ANK3: variants seen among roughly 807,000 people sequenced by gnomAD.
ANK3 encodes the protein ankyrin-3.
ANK3 carries 57 observed loss-of-function variants against 370.9 expected under a neutral mutation model. The observed-to-expected ratio is 0.15, with a 90% CI of 0.12 to 0.19. The LOEUF (loss-of-function observed/expected upper bound fraction) is 0.19. ANK3 is among the 10% of genes least tolerant of loss of function. The pLI is 1.00. For missense variants in ANK3, 4,439 were observed against 5,302.1 expected, an observed-to-expected ratio of 0.84 and a Z score of 5.06; for synonymous variants, 1,929 against 1,946.3, an observed-to-expected ratio of 0.99 and a Z score of 0.23.
intron 2 of ANK3, among the ~76,000 whole-genome samples, chr10:60,474,566 T>A (rs1416923357): frequency 6.6e-6 from 1 of 152,222 alleles, no homozygotes; most frequent in Non-Finnish European, 1.5e-5. Flanking sequence ...CAGTTAAGAT[T>A]GGGTGATTTT....
chr10:60,518,674 G>A (rs537799045), intron 2 of ANK3, among the ~76,000 whole-genome samples: 13 of 151,972 alleles, frequency 8.6e-5, no homozygotes, highest in East Asian at 3.9e-4. Context: ...CCAATCTCAC[G>A]GCTTGTGAAA....
intron 1 of ANK3, among the ~76,000 whole-genome samples, chr10:60,730,088 G>A (rs932685246): frequency 6.6e-6 from 1 of 152,118 alleles, no homozygotes; most frequent in Non-Finnish European, 1.5e-5. Flanking sequence ...ACATTTTTTA[G>A]AGTCTAATCA....
intron 1 of ANK3, among the ~76,000 whole-genome samples, chr10:60,331,631 G>A (rs1227454725): frequency 2.7e-5 from 4 of 150,194 alleles, no homozygotes; most frequent in African/African-American, 9.8e-5. Context: ...CATTCTTCAA[G>A]CTTGCTTGAG....
At chr10:60,376,227 T>C (rs150596891) in intron 1 of ANK3, among the ~76,000 whole-genome samples, 45 of 152,284 alleles carry the variant, frequency 3.0e-4, no homozygotes, top group African/African-American at 1.0e-3. Flanking sequence ...GGTAGCACTT[T>C]AAAAAACAGG....
At chr10:60,536,494 T>G (rs967571995) in intron 2 of ANK3, among the ~76,000 whole-genome samples, 2 of 152,064 alleles carry the variant, frequency 1.3e-5, no homozygotes, top group African/African-American at 4.8e-5. Flanking sequence ...AAACATTGCC[T>G]TCATAAAAAA....
chr10:60,254,871 G>A (rs16914660), intron 7 of ANK3, among the ~76,000 whole-genome samples: 37,936 of 152,076 alleles, frequency 0.25, 5,049 homozygotes, highest in East Asian at 0.42. Context: ...TGGTGGACAG[G>A]AAGGCCAAGA....
At chr10:60,149,989 G>A (rs999500509) in intron 23 of ANK3, among the ~76,000 whole-genome samples, 6 of 152,198 alleles carry the variant, frequency 3.9e-5, no homozygotes, top group South Asian at 2.1e-4. Context: ...GATTACAGGC[G>A]TGAGCCACCA....
chr10:60,200,308 G>T, intron 12 of ANK3, 81 bp from the exon 13 acceptor site: 1 of 1,109,942 alleles, frequency 9.0e-7, no homozygotes, highest in East Asian at 2.4e-5. Flanking sequence ...GCTTATGATG[G>T]ACTTTTTTCA....
At chr10:60,231,367 T>C (rs1344152041) in intron 8 of ANK3, among the ~76,000 whole-genome samples, 1 of 152,220 alleles carries the variant, frequency 6.6e-6, no homozygotes, top group East Asian at 1.9e-4. Context: ...CTTACAGTGC[T>C]GTCCTCTGAG....
intron 10 of ANK3, among the ~76,000 whole-genome samples, chr10:60,206,899 T>A (rs1235909146): frequency 6.6e-6 from 1 of 152,208 alleles, no homozygotes; most frequent in Non-Finnish European, 1.5e-5. Flanking sequence ...CCGAGGCTTC[T>A]CAGACCATTT....
chr10:60,166,594 C>T lies in ANK3; in HGVS notation c.2611G>A (p.Glu871Lys), dbSNP rs531162695. Reference protein sequence around the residue: ...SDGEYISDVEEGEDAMTGDTD... With the variant: ...SDGEYISDVEKGEDAMTGDTD... The stretch of plus-strand genomic sequence containing the variant: ...CACAATAAAAATTTACAAATACCTT[C>T]TTCAACATCTGAGATATATTCGCCA... Residue 871 changes from glutamate to lysine, a missense_variant, in exon 23 of 44, where the codon GAA (glutamate) becomes AAA (lysine). Physicochemically the swap from Glu to Lys is moderately conservative, Grantham distance 56. Transcript: ENST00000280772. The T allele has an allele frequency of 2.5e-6, 4 of 1,613,192 alleles. No individual in the cohort carries two copies. The highest frequency in any genetic ancestry group is 1.1e-5 in the South Asian group (1 of 90,944).
intron 1 of ANK3, among the ~76,000 whole-genome samples, chr10:60,651,577 GCA>G (rs1237351725): frequency 1.3e-5 from 2 of 152,170 alleles, no homozygotes; most frequent in Non-Finnish European, 2.9e-5. Context: ...ATATAATGCA[GCA>G]CAGATTAGCA....
chr10:60,724,209 C>CAAAAAAA (rs398013720), intron 1 of ANK3, among the ~76,000 whole-genome samples: 24 of 54,558 alleles, frequency 4.4e-4, no homozygotes, highest in Non-Finnish European at 5.2e-4. Context: ...GACTCCGTCT[C>CAAAAAAA]AAAAAAAAAA....
At chr10:60,156,378 A>G (rs562369756) in intron 23 of ANK3, among the ~76,000 whole-genome samples, 38 of 152,322 alleles carry the variant, frequency 2.5e-4, no homozygotes, top group African/African-American at 7.2e-4. Context: ...TCCTGATGGG[A>G]CAAACCCCGT....
chr10:60,364,650 C>T (rs768862809), intron 1 of ANK3, among the ~76,000 whole-genome samples: 1 of 151,962 alleles, frequency 6.6e-6, no homozygotes, highest in Non-Finnish European at 1.5e-5. Flanking sequence ...AAGTAACAAA[C>T]CTGCACATTC....
intron 28 of ANK3, among the ~76,000 whole-genome samples, chr10:60,091,796 T>C (rs981053223): frequency 3.3e-5 from 5 of 150,252 alleles, no homozygotes; most frequent in African/African-American, 1.2e-4. Flanking sequence ...AGTGGCACAA[T>C]CTCCACTCAC....
intron 5 of ANK3, among the ~76,000 whole-genome samples, chr10:60,266,308 C>T (rs547127540): frequency 2.0e-5 from 3 of 152,244 alleles, no homozygotes; most frequent in African/African-American, 7.2e-5. Context: ...CATGTGCAAG[C>T]AATCGGGTAA....
At chr10:60,274,062 A>T (rs2098045703) in intron 4 of ANK3, among the ~76,000 whole-genome samples, 1 of 152,084 alleles carries the variant, frequency 6.6e-6, no homozygotes, top group South Asian at 2.1e-4. Context: ...TGCAGCCTTA[A>T]CATGGGCTCA....
chr10:60,408,036 T>C (rs758772833), intron 2 of ANK3, among the ~76,000 whole-genome samples: 1 of 152,208 alleles, frequency 6.6e-6, no homozygotes, highest in Non-Finnish European at 1.5e-5. Flanking sequence ...TCAGGCAACT[T>C]ACTTTCCAAC....
Sources: gnomAD v4.1 joint callset for allele counts (sites outside exome capture counted in the v4.1 genomes callset) on GRCh38, gnomAD v4.1.1 for gene constraint, MANE v1.5 for transcripts, NCBI Gene and HGNC (gene_info 2026-07-23, HGNC 2026-07-21) for gene names.